SLC9A9: variants seen among roughly 807,000 people sequenced by gnomAD.
SLC9A9 encodes sodium/hydrogen exchanger 9.
In SLC9A9, 62 loss-of-function variants were observed where a neutral mutation model predicts 77.8. The ratio of observed to expected loss-of-function variants is 0.80; its 90% CI spans 0.65 to 0.98. The LOEUF is 0.98. SLC9A9 is among the 50% of genes least tolerant of loss of function. The probability of loss-of-function intolerance (pLI) is 0.00; values close to 1 mark genes in which losing one functional copy is unlikely to be tolerated. For missense variants in SLC9A9, 775 were observed against 774.9 expected (o/e 1.00, Z 0.00); for synonymous variants, 320 against 283.5 (o/e 1.13, Z -1.29).
At chr3:143,539,730 C>T (rs2108628714) in intron 9 of SLC9A9, among the ~76,000 whole-genome samples, 1 of 152,196 alleles carries the variant, frequency 6.6e-6, no homozygotes, top group East Asian at 1.9e-4. Flanking sequence ...AAAGCAGGTA[C>T]CAGGCCAGCT....
In SLC9A9 at chr3:143,551,424, C is replaced by T. The variant is rs115329741; in HGVS notation, c.1089+938G>A. Among the ~76,000 whole-genome samples the T allele has an allele frequency of 2.5e-3, 376 of 152,302 alleles. 1 individual carries two copies. The highest frequency in any genetic ancestry group is 8.3e-3 in the African/African-American group (344 of 41,568). On this transcript the variant is annotated intron_variant, in intron 9 of 15. Transcript: ENST00000316549. ...CTGTATCCCACTTGCTTTAGCCTTG[C>T]CCCATTCACAAGCCATGCTGAACTA...
chr3:143,266,363 C>T lies in SLC9A9; in HGVS notation c.*339G>A. ...TAAAATCCAGAATAGAAGTGAAGGG[C>T]CTGGAGAGCCGCATTCGCAGCAGAA... On this transcript the variant is annotated 3_prime_UTR_variant, in exon 16 of 16. Coordinates refer to ENST00000316549, the MANE Select transcript of SLC9A9 (RefSeq NM_173653.4). 1.8e-6 allele frequency: 1 copy of T among 555,072 alleles called. No individual in the cohort carries two copies. The highest frequency in any genetic ancestry group is 3.2e-6 in the Non-Finnish European group (1 of 311,352). The allele number at this position is 555,072 out of a possible 1,614,324, so 34.4% of individuals were successfully genotyped here.
At chr3:143,427,725 T>A (rs2034432740) in intron 12 of SLC9A9, among the ~76,000 whole-genome samples, 1 of 152,226 alleles carries the variant, frequency 6.6e-6, no homozygotes. Flanking sequence ...TGATAGTTCA[T>A]CTTTTATCCT....
intron 14 of SLC9A9, among the ~76,000 whole-genome samples, chr3:143,282,939 G>T (rs1938268426): frequency 6.6e-6 from 1 of 152,114 alleles, no homozygotes; most frequent in Admixed American, 6.5e-5. Context: ...CACTATTCCT[G>T]TGACAAACAC....
At chr3:143,588,883 T>C (rs1367802448) in intron 6 of SLC9A9, among the ~76,000 whole-genome samples, 1 of 152,220 alleles carries the variant, frequency 6.6e-6, no homozygotes, top group Non-Finnish European at 1.5e-5. Context: ...GGAATTTCTA[T>C]CCTTTCTCCA....
intron 12 of SLC9A9, among the ~76,000 whole-genome samples, chr3:143,465,570 C>T (rs2108568024): frequency 6.6e-6 from 1 of 152,308 alleles, no homozygotes; most frequent in East Asian, 1.9e-4. Context: ...TTTGAACTCA[C>T]CTAATAGTGT....
chr3:143,350,819 C>T (rs2032432002), intron 14 of SLC9A9, among the ~76,000 whole-genome samples: 1 of 152,190 alleles, frequency 6.6e-6, no homozygotes, highest in African/African-American at 2.4e-5. Flanking sequence ...TTGCTCTGTC[C>T]ACAGCTCCGT....
intron 4 of SLC9A9, among the ~76,000 whole-genome samples, chr3:143,743,624 T>A (rs1935136771): frequency 6.6e-6 from 1 of 152,188 alleles, no homozygotes; most frequent in Non-Finnish European, 1.5e-5. Flanking sequence ...GATTGAATTG[T>A]GCCTGCCCAC....
intron 14 of SLC9A9, among the ~76,000 whole-genome samples, chr3:143,326,485 CCTT>C (rs2031605942): frequency 6.6e-6 from 1 of 152,106 alleles, no homozygotes; most frequent in Non-Finnish European, 1.5e-5. Flanking sequence ...GCCACACTGG[CCTT>C]CTTTCTGTTT....
chr3:143,330,418 G>A (rs866233207), intron 14 of SLC9A9, among the ~76,000 whole-genome samples: 1 of 152,156 alleles, frequency 6.6e-6, no homozygotes, highest in African/African-American at 2.4e-5. Context: ...TAAGTAATCC[G>A]ATCTGAATTG....
At chr3:143,546,284 C>G (rs2036787373) in intron 9 of SLC9A9, among the ~76,000 whole-genome samples, 1 of 152,148 alleles carries the variant, frequency 6.6e-6, no homozygotes, top group Non-Finnish European at 1.5e-5. Context: ...GCGATAAACA[C>G]TATAAATATC....
At chr3:143,720,245 A>G (rs1433468496) in intron 4 of SLC9A9, among the ~76,000 whole-genome samples, 1 of 144,452 alleles carries the variant, frequency 6.9e-6, no homozygotes, top group African/African-American at 2.5e-5. Flanking sequence ...TATTTTATAT[A>G]TATATATTTT....
rs188069522 is a variant in SLC9A9, at chr3:143,800,603, C to T, written c.379-3700G>A. ...CTCTCTTTGCTTTTACCTGGACTGA[C>T]CCTGACACCCATCAGTCCCAGCAGT... On this transcript the variant is annotated intron_variant, in intron 2 of 15. Transcript: ENST00000316549. Among the ~76,000 whole-genome samples, 301 of 152,314 alleles carry T rather than the reference C, an allele frequency of 2.0e-3. 1 individual carries two copies. The highest frequency in any genetic ancestry group is 6.8e-3 in the African/African-American group (283 of 41,566).
At chr3:143,308,728 G>A (rs370396137) in intron 14 of SLC9A9, among the ~76,000 whole-genome samples, 5 of 152,110 alleles carry the variant, frequency 3.3e-5, no homozygotes, top group African/African-American at 1.2e-4. Flanking sequence ...TGAGTTCTGG[G>A]GGTTAAATGG....
intron 11 of SLC9A9, among the ~76,000 whole-genome samples, chr3:143,491,699 A>G (rs752669477): frequency 1.3e-5 from 2 of 152,236 alleles, no homozygotes; most frequent in Non-Finnish European, 2.9e-5. Context: ...TTGGGCAGAC[A>G]CTTCACAACC....
intron 1 of SLC9A9, among the ~76,000 whole-genome samples, chr3:143,844,741 CT>C (rs1169474539): frequency 6.9e-6 from 1 of 143,950 alleles, no homozygotes; most frequent in South Asian, 2.4e-4. Flanking sequence ...TTCTTTCTTT[CT>C]TTCTTTCTTT....
chr3:143,772,022 A>ATGTG (rs55750613), intron 4 of SLC9A9, among the ~76,000 whole-genome samples: 6,743 of 141,626 alleles, frequency 0.048, 210 homozygotes, highest in Middle Eastern at 0.081. Flanking sequence ...CATCCCCAGA[A>ATGTG]TGTGTGTGTG....
intron 6 of SLC9A9, among the ~76,000 whole-genome samples, chr3:143,581,976 G>A (rs1479443908): frequency 6.6e-6 from 1 of 152,158 alleles, no homozygotes; most frequent in Non-Finnish European, 1.5e-5. Context: ...TTTGGCACAT[G>A]GCAGGGTATA....
chr3:143,354,419 T>A (rs776219343), intron 14 of SLC9A9, among the ~76,000 whole-genome samples: 1 of 152,238 alleles, frequency 6.6e-6, no homozygotes, highest in Non-Finnish European at 1.5e-5. Flanking sequence ...GGAAGAGACA[T>A]GTCTGCCCAA....
Sources: allele counts gnomAD v4.1 joint callset (sites outside exome capture counted in the v4.1 genomes callset), GRCh38; gene constraint gnomAD v4.1.1; transcripts MANE v1.5; gene names NCBI Gene and HGNC (gene_info 2026-07-23, HGNC 2026-07-21).